Variants in RIPPLY3 observed in about 807,000 individuals in gnomAD.
The protein encoded by RIPPLY3 is protein ripply3.
RIPPLY3 carries 8 observed loss-of-function variants against 11.9 expected under a neutral mutation model. That is an observed-to-expected ratio of 0.67 (90% CI 0.40 to 1.21). RIPPLY3 has a LOEUF of 1.21. Ranked by LOEUF, RIPPLY3 falls within the 50% of genes most tolerant of loss-of-function variation. The probability of loss-of-function intolerance (pLI) is 0.01; values close to 1 mark genes in which losing one functional copy is unlikely to be tolerated. For missense variants in RIPPLY3, 271 were observed against 246.0 expected (o/e 1.10, Z -0.68); for synonymous variants, 102 against 99.0 (o/e 1.03, Z -0.18).
upstream of RIPPLY3, chr21:37,006,642 A>AGCGCTTGCCC (rs566947896): frequency 8.6e-4 from 416 of 483,592 alleles, 3 homozygotes; most frequent in African/African-American, 7.7e-3. The surrounding 1 kb of genome is among the most constrained non-coding windows in gnomAD (Gnocchi z 5.2). Context: ...GCCCCCTCCC[A>AGCGCTTGCCC]GCGCTTGCCC....
intron 2 of RIPPLY3, 69 bp downstream of exon 2, chr21:37,008,292 G>A: frequency 6.5e-7 from 1 of 1,545,434 alleles, no homozygotes; most frequent in Admixed American, 1.8e-5. Context: ...TTAAAATACA[G>A]GGACCGTGAA....
At chr21:37,013,401 A>G in intron 2 of RIPPLY3, 150 bp from the exon 3 acceptor site, 2 of 545,922 alleles carry the variant, frequency 3.7e-6, no homozygotes, top group African/African-American at 1.9e-5. Context: ...ACACGGGCTT[A>G]TCGAATACTG....
At chr21:37,010,303 C>T (rs970338508) in intron 2 of RIPPLY3, among the ~76,000 whole-genome samples, 1 of 152,214 alleles carries the variant, frequency 6.6e-6, no homozygotes, top group East Asian at 1.9e-4. Flanking sequence ...ACTGACCTCA[C>T]GAACATGGTG....
In RIPPLY3 at chr21:37,013,506, A is replaced by G. The variant is rs146521329; in HGVS notation, c.172-45A>G. ...TAAAACCTCAGGATGTCACCTTCCG[A>G]CACTCCTGCACTGTCTCTGTGTTTG... On this transcript the variant is annotated intron_variant, in intron 2 of 3. Coordinates refer to ENST00000329553, the MANE Select transcript of RIPPLY3 (RefSeq NM_018962.3). 7,277 of 1,537,874 alleles carry G rather than the reference A, an allele frequency of 4.7e-3. 36 individuals are homozygous for G. Among genetic ancestry groups the G allele is most frequent in the Middle Eastern group, 6.4e-3 (38 of 5,898 alleles).
chr21:37,012,331 G>A lies in RIPPLY3; in HGVS notation c.172-1220G>A, dbSNP rs912956525. On this transcript the variant is annotated intron_variant, in intron 2 of 3. Transcript: ENST00000329553. ...CAGCTCACTGCAACCTCCGCTTCCCGGGTTCAGGCGATTCTCCTGCCTCAG... is the reference window on the plus strand; with the variant it reads ...CAGCTCACTGCAACCTCCGCTTCCCAGGTTCAGGCGATTCTCCTGCCTCAG... Among the ~76,000 whole-genome samples the A allele has an allele frequency of 7.2e-5, 11 of 151,764 alleles. 1 individual carries two copies. Among genetic ancestry groups the A allele is most frequent in the Admixed American group, 5.3e-4 (8 of 15,202 alleles).
intron 2 of RIPPLY3, among the ~76,000 whole-genome samples, chr21:37,009,904 C>T (rs2069503430): frequency 6.7e-6 from 1 of 148,398 alleles, no homozygotes; most frequent in African/African-American, 2.5e-5. Context: ...ACCCCTAGCC[C>T]GGAGCCCGCT....
chr21:37,007,400 C>CTTTTTTTTTTTTTTTTT lies in RIPPLY3; in HGVS notation c.104+534_104+550dup, dbSNP rs895853940. Among the ~76,000 whole-genome samples, 32 of 86,296 alleles carry CTTTTTTTTTTTTTTTTT rather than the reference C, an allele frequency of 3.7e-4. 1 individual carries two copies. Among genetic ancestry groups the CTTTTTTTTTTTTTTTTT allele is most frequent in the African/African-American group, 1.5e-3 (30 of 19,894 alleles). The allele number at this position is 86,296 out of a possible 152,430, so 56.6% of individuals were successfully genotyped here. On this transcript the variant is annotated intron_variant, in intron 1 of 3. Transcript: ENST00000329553. Reference sequence around the variant, plus strand: ...TAGCCAGGCAGGAGAAAGATTCCCTCTTTTTTTTTTTTTTTTTTTTTTTTT... The same window carrying CTTTTTTTTTTTTTTTTT: ...TAGCCAGGCAGGAGAAAGATTCCCTCTTTTTTTTTTTTTTTTTTTTTTTTTTTTTTTTTTTTTTTTTT...
intron 2 of RIPPLY3, among the ~76,000 whole-genome samples, chr21:37,012,922 T>C (rs1201331991): frequency 6.7e-6 from 1 of 148,808 alleles, no homozygotes; most frequent in Non-Finnish European, 1.5e-5. Flanking sequence ...TGGAGTGCAG[T>C]GGCAGGATCT....
chr21:37,006,423 T>C (rs2069463329), upstream of RIPPLY3: 1 of 195,832 alleles, frequency 5.1e-6, no homozygotes, highest in Admixed American at 6.1e-5. The surrounding 1 kb of genome is among the most constrained non-coding windows in gnomAD (Gnocchi z 5.2). Flanking sequence ...CCGACTTTTC[T>C]TTGTCCCGTC....
chr21:37,016,900 A>G (rs1167969734), intron 3 of RIPPLY3, among the ~76,000 whole-genome samples: 1 of 152,102 alleles, frequency 6.6e-6, no homozygotes, highest in Non-Finnish European at 1.5e-5. Flanking sequence ...TCATGCCTAT[A>G]ATCGCAGCAC....
In RIPPLY3 at chr21:37,008,242, G is replaced by A; in HGVS notation, c.171+19G>A. Reference sequence around the variant, plus strand: ...AAGGCCGGTAAGGTTCAGTGCGGGCGTTGTAGGTAACCCTTCCAGCCAGAA... The same window carrying A: ...AAGGCCGGTAAGGTTCAGTGCGGGCATTGTAGGTAACCCTTCCAGCCAGAA... On this transcript the variant is annotated intron_variant, in intron 2 of 3. Coordinates refer to ENST00000329553, the MANE Select transcript of RIPPLY3 (RefSeq NM_018962.3). 1 of 1,613,338 alleles carries A rather than the reference G, an allele frequency of 6.2e-7. No individual in the cohort carries two copies.
rs185957237 is a variant in RIPPLY3 at position 37,013,991 on chromosome 21, A to G, written c.239+373A>G. Among the ~76,000 whole-genome samples the G allele has an allele frequency of 7.8e-4, 119 of 152,320 alleles. 2 individuals are homozygous for G. Among genetic ancestry groups the G allele is most frequent in the African/African-American group, 2.6e-3 (107 of 41,576 alleles). On this transcript the variant is annotated intron_variant, in intron 3 of 3. Transcript: ENST00000329553. ...TTGTTCTACCAGGATATAAGCTAGT[A>G]TATTGTCTAGTGCAAAGTCGACCTT...
intron 3 of RIPPLY3, among the ~76,000 whole-genome samples, chr21:37,014,686 C>T (rs183872678): frequency 1.0e-3 from 156 of 152,360 alleles, no homozygotes; most frequent in African/African-American, 3.6e-3. Flanking sequence ...GCTCAGTCTC[C>T]TCAGACTGGT....
chr21:37,006,684 G>A, upstream of RIPPLY3: 1 of 854,106 alleles, frequency 1.2e-6, no homozygotes, highest in Non-Finnish European at 1.5e-6. This position sits in a 1 kb window ranked among gnomAD's most constrained non-coding sequence, Gnocchi z 5.2. Flanking sequence ...TAAACCTGGC[G>A]CGCGGGTAGG....
At chr21:37,006,571 C>T (rs1364641067), upstream of RIPPLY3, 21 of 364,548 alleles carry the variant, frequency 5.8e-5, no homozygotes, top group South Asian at 1.5e-4. This position sits in a 1 kb window ranked among gnomAD's most constrained non-coding sequence, Gnocchi z 5.2. Context: ...TCCTCCGACC[C>T]GGGCTTTTCC....
At position 37,010,173 on chromosome 21, in the gene RIPPLY3, C is replaced by T. The variant is rs539403538; in HGVS notation, c.171+1950C>T. The stretch of plus-strand genomic sequence containing the variant: ...ACGCCTGGTGACCTGTACCAGGGCT[C>T]CCGGCAAGCAAAGCAAAACTAGAAT... On this transcript the variant is annotated intron_variant, in intron 2 of 3. Coordinates refer to ENST00000329553, the MANE Select transcript of RIPPLY3 (RefSeq NM_018962.3). 2.0e-5 allele frequency among the ~76,000 whole-genome samples: 3 copies of T among 152,232 alleles called. No individual in the cohort carries two copies. The South Asian group carries it at 6.2e-4, about 32-fold the overall frequency.
At chr21:37,016,525 C>T (rs8132304) in intron 3 of RIPPLY3, among the ~76,000 whole-genome samples, 1,669 of 152,140 alleles carry the variant, frequency 0.011, 25 homozygotes, top group African/African-American at 0.038. Context: ...GAGAAAAATG[C>T]AAATAAGTTA....
intron 1 of RIPPLY3, among the ~76,000 whole-genome samples, 156 bp downstream of exon 1, chr21:37,007,032 G>T (rs2069471835): frequency 6.6e-6 from 1 of 152,252 alleles, no homozygotes; most frequent in South Asian, 2.1e-4. Flanking sequence ...TCCTGAGCCG[G>T]CAGCCGGGTT....
chr21:37,018,470 CTCATA>C lies in RIPPLY3; in HGVS notation c.*264_*268del. On this transcript the variant is annotated 3_prime_UTR_variant, in exon 4 of 4. Transcript: ENST00000329553. ...AGGTCTATGTCAACAGAGTTGTTAT[CTCATA>C]GAGCCAGTTTTCAAAGCTCCTTCTG... 1 of 462,600 alleles carries C rather than the reference CTCATA, an allele frequency of 2.2e-6. No individual in the cohort carries two copies. The highest frequency in any genetic ancestry group is 3.9e-6 in the Non-Finnish European group (1 of 258,368). 28.7% of individuals were successfully genotyped at this position (462,600 alleles called of 1,614,324 possible).
Sources: gnomAD v4.1 joint callset for allele counts (sites outside exome capture counted in the v4.1 genomes callset) on GRCh38, gnomAD v4.1.1 for gene constraint, Gnocchi (gnomAD v3.1) non-coding constraint, MANE v1.5 for transcripts, NCBI Gene and HGNC (gene_info 2026-07-23, HGNC 2026-07-21) for gene names.